DGKZ: variants seen among roughly 807,000 people sequenced by gnomAD.
The protein encoded by DGKZ is DAG kinase zeta.
DGKZ carries 45 observed loss-of-function variants against 142.5 expected under a neutral mutation model. The ratio of observed to expected loss-of-function variants is 0.32; its 90% CI spans 0.25 to 0.40. The LOEUF (loss-of-function observed/expected upper bound fraction) is 0.40. DGKZ is among the 10% of genes least tolerant of loss of function. The probability of loss-of-function intolerance (pLI) is 1.00; values close to 1 mark genes in which losing one functional copy is unlikely to be tolerated. For synonymous variants in DGKZ, 442 were observed against 527.0 expected (o/e 0.84, Z 2.21); for missense variants, 755 against 1,306.5 (o/e 0.58, Z 6.51).
At chr11:46,369,244 A>G in intron 4 of DGKZ, 1 of 575,996 alleles carries the variant, frequency 1.7e-6, no homozygotes, top group South Asian at 2.0e-5. Context: ...GACGGACCCA[A>G]AGCTCCCAAC....
intron 1 of DGKZ, chr11:46,364,978 C>T (rs558789330): frequency 1.0e-6 from 1 of 985,460 alleles, no homozygotes; most frequent in Non-Finnish European, 1.2e-6. Flanking sequence ...CACAGGTGGC[C>T]TCAGGTACCT....
At chr11:46,354,607 C>CTTAG (rs1941788475) in intron 1 of DGKZ, among the ~76,000 whole-genome samples, 1 of 152,194 alleles carries the variant, frequency 6.6e-6, no homozygotes, top group Non-Finnish European at 1.5e-5. Flanking sequence ...TTGGTTGGAG[C>CTTAG]TTAGCATTAG....
At chr11:46,343,183 T>G (rs188667371), upstream of DGKZ, among the ~76,000 whole-genome samples, 14 of 151,154 alleles carry the variant, frequency 9.3e-5, no homozygotes, top group East Asian at 2.7e-3. Context: ...CCTCCTAGAG[T>G]CATTAAGAGG....
chr11:46,375,859 C>T lies in DGKZ; in HGVS notation c.1919C>T (p.Pro640Leu), dbSNP rs758608073. 1.2e-5 allele frequency: 19 copies of T among 1,561,558 alleles called. No individual in the cohort carries two copies. In the Admixed American group the frequency reaches 1.5e-4, roughly 13 times the overall value. Residue 640 changes from proline to leucine, a missense_variant, in exon 21 of 31, where the codon CCG (proline) becomes CTG (leucine). Coordinates refer to ENST00000527911, the Ensembl canonical transcript of DGKZ. ...CCGGCCCTGCCCGACAGCCAGCAGCCGGTGCCAGAGCAGTTGCGCATCCAG... is the reference window on the plus strand; with the variant it reads ...CCGGCCCTGCCCGACAGCCAGCAGCTGGTGCCAGAGCAGTTGCGCATCCAG...
At chr11:46,373,339 T>G (rs1212551806) in intron 14 of DGKZ, among the ~76,000 whole-genome samples, 2 of 143,908 alleles carry the variant, frequency 1.4e-5, no homozygotes, top group African/African-American at 5.3e-5. Flanking sequence ...CAGGCTGGAG[T>G]GCAGTGGCGC....
At chr11:46,366,921 G>T (rs1051860677) in intron 1 of DGKZ, 3 of 1,544,084 alleles carry the variant, frequency 1.9e-6, no homozygotes, top group Admixed American at 1.9e-5. Flanking sequence ...CCACTGTCCC[G>T]CAGGCGCCAG....
At chr11:46,353,395 G>T (rs73464080) in intron 1 of DGKZ, among the ~76,000 whole-genome samples, 2,319 of 152,252 alleles carry the variant, frequency 0.015, 66 homozygotes, top group African/African-American at 0.053. Flanking sequence ...CTTTGCCTCC[G>T]GTGCCAACGG....
In DGKZ at chr11:46,377,256, C is replaced by G. The variant is rs528364890; in HGVS notation, c.2342+44C>G. The G allele has an allele frequency of 2.0e-6, 3 of 1,538,266 alleles. No homozygotes were observed. In the South Asian group the frequency reaches 3.8e-5, roughly 20 times the overall value. On this transcript the variant is annotated intron_variant, in intron 25 of 30. Transcript: ENST00000527911. ...TCCCTCCAGCCCCTGGCTTTCAGCCCCACCTGTAAGCCGATGACTTCTGAA... is the reference window on the plus strand; with the variant it reads ...TCCCTCCAGCCCCTGGCTTTCAGCCGCACCTGTAAGCCGATGACTTCTGAA...
chr11:46,359,216 G>T (rs1590478479), intron 1 of DGKZ, among the ~76,000 whole-genome samples: 1 of 151,276 alleles, frequency 6.6e-6, no homozygotes, highest in Non-Finnish European at 1.5e-5. Context: ...GCCAAGGCGG[G>T]CGGATCACGA....
intron 1 of DGKZ, among the ~76,000 whole-genome samples, chr11:46,342,337 A>G (rs1940320247): frequency 1.3e-5 from 2 of 152,188 alleles, no homozygotes; most frequent in Non-Finnish European, 2.9e-5. Flanking sequence ...AGGTGGCCCT[A>G]GTCTCACAGT....
upstream of DGKZ, chr11:46,347,451 G>A: frequency 2.0e-6 from 2 of 982,330 alleles, no homozygotes; most frequent in Non-Finnish European, 2.4e-6. This position sits in a 1 kb window ranked among gnomAD's most constrained non-coding sequence, Gnocchi z 6.4. Flanking sequence ...GGGTCCTGCG[G>A]CCGCGGCTGG....
intron 1 of DGKZ, among the ~76,000 whole-genome samples, chr11:46,341,207 C>T (rs1226823131): frequency 6.6e-6 from 1 of 152,186 alleles, no homozygotes; most frequent in Non-Finnish European, 1.5e-5. Context: ...CTCCCTCCCT[C>T]CCTCTGCCCA....
chr11:46,376,947 CT>C, intron 24 of DGKZ, 125 bp from the exon 25 acceptor site: 1 of 851,842 alleles, frequency 1.2e-6, no homozygotes, highest in African/African-American at 1.7e-5. Context: ...GGCAGGGCCC[CT>C]TGCCTGGCCA....
At chr11:46,336,144 G>T (rs1294214126) in intron 1 of DGKZ, among the ~76,000 whole-genome samples, 1 of 152,240 alleles carries the variant, frequency 6.6e-6, no homozygotes, top group Non-Finnish European at 1.5e-5. Context: ...TGCTTCTGAC[G>T]TAAGTGAGGA....
rs765018671 is a variant in DGKZ at position 46,337,548 on chromosome 11, G to A, written c.212+4061G>A. On this transcript the variant is annotated intron_variant, in intron 1 of 30. Transcript: ENST00000343674. Reference sequence around the variant, plus strand: ...TGACCTCAGGTGATCCATCCACCTCGGCCTCCCAAAGTTCTGGGATTACAG... The same window carrying A: ...TGACCTCAGGTGATCCATCCACCTCAGCCTCCCAAAGTTCTGGGATTACAG... Among the ~76,000 whole-genome samples the A allele has an allele frequency of 3.3e-5, 5 of 151,908 alleles. No individual in the cohort carries two copies. The East Asian group carries it at 7.8e-4, about 24-fold the overall frequency.
In DGKZ at chr11:46,347,580, G is replaced by C. The variant is rs1590395521; in HGVS notation, c.-80G>C. The C allele has an allele frequency of 2.7e-6, 3 of 1,113,232 alleles. No homozygotes were observed. Among genetic ancestry groups the C allele is most frequent in the East Asian group, 9.6e-5 (2 of 20,920 alleles). The allele number at this position is 1,113,232 out of a possible 1,614,324, so 69.0% of individuals were successfully genotyped here. A position where few individuals can be genotyped will look rare whatever the true frequency, so the allele number is the denominator to read the frequency against. The stretch of plus-strand genomic sequence containing the variant: ...CGCCATGGAGGTGGCGGGCGGCGCG[G>C]AGCGGGCGTGCTGAGCCCCGGCCGC... On this transcript the variant is annotated 5_prime_UTR_variant, in exon 1 of 31. Coordinates refer to ENST00000527911, the Ensembl canonical transcript of DGKZ. This position sits in a 1 kb window ranked among gnomAD's most constrained non-coding sequence, Gnocchi z 6.4.
At chr11:46,352,301 C>T (rs1309921667) in intron 1 of DGKZ, among the ~76,000 whole-genome samples, 1 of 152,228 alleles carries the variant, frequency 6.6e-6, no homozygotes, top group African/African-American at 2.4e-5. Context: ...TGGAGCGACA[C>T]AAGGGGGCGA....
intron 1 of DGKZ, among the ~76,000 whole-genome samples, chr11:46,340,296 C>T (rs953271652): frequency 1.3e-5 from 2 of 152,204 alleles, no homozygotes; most frequent in Admixed American, 6.5e-5. Context: ...GCTATGCAAT[C>T]AGGGCTTATG....
At chr11:46,347,299 A>G (rs1286275653), upstream of DGKZ, 14 of 984,820 alleles carry the variant, frequency 1.4e-5, no homozygotes, top group African/African-American at 3.5e-5. The surrounding 1 kb of genome is among the most constrained non-coding windows in gnomAD (Gnocchi z 6.4). Flanking sequence ...TGCCCCGCCC[A>G]TTCGTCGCCC....
Sources: allele counts gnomAD v4.1 joint callset (sites outside exome capture counted in the v4.1 genomes callset), GRCh38; gene constraint gnomAD v4.1.1; non-coding constraint Gnocchi (gnomAD v3.1); transcripts MANE v1.5; gene names NCBI Gene and HGNC (gene_info 2026-07-23, HGNC 2026-07-21).